RBPJ: variants seen among roughly 807,000 people sequenced by gnomAD.
RBPJ encodes recombination signal binding protein for immunoglobulin kappa J region.
Under a neutral mutation model 67.8 loss-of-function variants are expected in RBPJ, and 9 were observed. That is an observed-to-expected ratio of 0.13 (90% CI 0.08 to 0.23). The LOEUF (loss-of-function observed/expected upper bound fraction) is 0.23, where lower values mean the gene tolerates loss of function less well. Among genes scored for constraint, RBPJ ranks in the 10% least tolerant of loss-of-function variants. The probability of loss-of-function intolerance (pLI) is 1.00; values close to 1 mark genes in which losing one functional copy is unlikely to be tolerated. For missense variants in RBPJ, 305 were observed against 595.6 expected, an observed-to-expected ratio of 0.51 and a Z score of 5.08; for synonymous variants, 198 against 203.3, an observed-to-expected ratio of 0.97 and a Z score of 0.22.
intron 3 of RBPJ, among the ~76,000 whole-genome samples, chr4:26,415,108 A>G (rs1734431770): frequency 6.6e-6 from 1 of 152,304 alleles, no homozygotes; most frequent in East Asian, 1.9e-4. Flanking sequence ...TTAATTAGTA[A>G]TTACAGATTT....
intron 1 of RBPJ, among the ~76,000 whole-genome samples, chr4:26,363,359 C>T (rs963770948): frequency 3.9e-5 from 6 of 152,320 alleles, no homozygotes; most frequent in Admixed American, 3.3e-4. Context: ...AGGCCGGTCT[C>T]GAACTCCTGA....
chr4:26,431,695 A>G lies in RBPJ; in HGVS notation c.*688A>G, dbSNP rs1431496932. The G allele has an allele frequency of 6.6e-6, 1 of 151,882 alleles. No individual in the cohort carries two copies. Among genetic ancestry groups the G allele is most frequent in the Non-Finnish European group, 1.5e-5 (1 of 67,986 alleles). The allele number at this position is 151,882 out of a possible 1,614,324, so 9.4% of individuals were successfully genotyped here. Reference sequence around the variant, plus strand: ...CAAGTCAAATCTTGCAAAGGCCTGCATATTTTTTTTAAGATTATATGAAGT... The same window carrying G: ...CAAGTCAAATCTTGCAAAGGCCTGCGTATTTTTTTTAAGATTATATGAAGT... On this transcript the variant is annotated 3_prime_UTR_variant, in exon 11 of 11. Coordinates refer to ENST00000355476, the MANE Select transcript of RBPJ (RefSeq NM_015874.6).
intron 8 of RBPJ, among the ~76,000 whole-genome samples, 179 bp from the exon 9 acceptor site, chr4:26,429,719 A>G (rs976996203): frequency 6.6e-6 from 1 of 152,210 alleles, no homozygotes; most frequent in Non-Finnish European, 1.5e-5. Flanking sequence ...GGGTTTCTGT[A>G]TTAGCATTCT....
intron 2 of RBPJ, among the ~76,000 whole-genome samples, chr4:26,391,282 A>G (rs1482178496): frequency 3.3e-5 from 5 of 152,254 alleles, no homozygotes; most frequent in African/African-American, 1.2e-4. Flanking sequence ...TTGTATTGGC[A>G]TAAAGATAGC....
chr4:26,343,739 CTTTTTTTTTTT>C (rs71186404), intron 1 of RBPJ, among the ~76,000 whole-genome samples: 92 of 55,830 alleles, frequency 1.6e-3, no homozygotes, highest in African/African-American at 5.6e-3. Context: ...TTTCTTTCTT[CTTTTTTTTTTT>C]TTTTTTTTTT....
chr4:26,126,395 C>T, the RBPJ span, among the ~76,000 whole-genome samples: 1 of 152,218 alleles, frequency 6.6e-6, no homozygotes, highest in African/African-American at 2.4e-5. Flanking sequence ...AGGTGGGTAG[C>T]CTGTCTCCCA....
At chr4:26,338,922 G>C (rs1435078074) in intron 1 of RBPJ, among the ~76,000 whole-genome samples, 1 of 151,580 alleles carries the variant, frequency 6.6e-6, no homozygotes, top group East Asian at 1.9e-4. Context: ...CTCGATCTCA[G>C]CTCACTGCAG....
intron 1 of RBPJ, among the ~76,000 whole-genome samples, chr4:26,212,676 C>T (rs751101524): frequency 3.3e-5 from 5 of 152,056 alleles, no homozygotes; most frequent in Non-Finnish European, 5.9e-5. Context: ...AGAAGACCTT[C>T]ATTTCAGAAG....
At chr4:26,403,030 T>C (rs945058721) in intron 2 of RBPJ, among the ~76,000 whole-genome samples, 4 of 152,236 alleles carry the variant, frequency 2.6e-5, no homozygotes, top group African/African-American at 7.2e-5. Context: ...TTTTATAAGT[T>C]TGTCTTGTCT....
intron 2 of RBPJ, among the ~76,000 whole-genome samples, chr4:26,391,988 C>T (rs1731548380): frequency 6.6e-6 from 1 of 152,140 alleles, no homozygotes; most frequent in South Asian, 2.1e-4. Context: ...CTTTATGTGT[C>T]CTCACATGGC....
intron 2 of RBPJ, among the ~76,000 whole-genome samples, chr4:26,400,319 G>T (rs1392806377): frequency 6.6e-6 from 1 of 152,182 alleles, no homozygotes; most frequent in African/African-American, 2.4e-5. Context: ...TCAAGGAAGG[G>T]TGCTACTGGC....
chr4:26,413,691 T>TA (rs950316390), intron 3 of RBPJ, among the ~76,000 whole-genome samples: 19 of 152,186 alleles, frequency 1.2e-4, no homozygotes, highest in African/African-American at 3.6e-4. Flanking sequence ...CAGTAGATAA[T>TA]ATTGTAGAGG....
intron 3 of RBPJ, among the ~76,000 whole-genome samples, chr4:26,413,739 T>G (rs1054138213): frequency 2.0e-5 from 3 of 152,186 alleles, no homozygotes; most frequent in African/African-American, 7.2e-5. Context: ...TACTACCACC[T>G]TCAGGAAGAC....
chr4:26,347,002 T>A (rs926565966), intron 1 of RBPJ, among the ~76,000 whole-genome samples: 32 of 151,030 alleles, frequency 2.1e-4, no homozygotes, highest in South Asian at 4.2e-4. Context: ...AAAAAAAAAA[T>A]AAAAAATAAA....
At chr4:26,109,473 T>TACACAC in the RBPJ span, among the ~76,000 whole-genome samples, 4 of 43,954 alleles carry the variant, frequency 9.1e-5, no homozygotes, top group African/African-American at 5.3e-4. Context: ...TATATATATA[T>TACACAC]ATATATATAT....
chr4:26,113,592 G>A, the RBPJ span: 147 of 404,292 alleles, frequency 3.6e-4, 1 homozygote, highest in African/African-American at 2.7e-3. Flanking sequence ...AAAGCACATG[G>A]GAAATCCTTC....
intron 1 of RBPJ, among the ~76,000 whole-genome samples, chr4:26,213,986 T>G (rs1222759670): frequency 6.6e-6 from 1 of 152,034 alleles, no homozygotes; most frequent in East Asian, 1.9e-4. Context: ...ATGGAGTGGA[T>G]GGAGGTATCA....
chr4:26,291,828 G>T (rs1036764324), intron 1 of RBPJ, among the ~76,000 whole-genome samples: 1 of 150,638 alleles, frequency 6.6e-6, no homozygotes, highest in Non-Finnish European at 1.5e-5. Flanking sequence ...CACCTGCCTC[G>T]GCCTCCCAAA....
chr4:26,358,267 GTAGTAAGTACCATAA>G (rs1560291181), intron 1 of RBPJ, among the ~76,000 whole-genome samples: 2 of 152,006 alleles, frequency 1.3e-5, no homozygotes, highest in African/African-American at 4.8e-5. Context: ...TATCCTACTA[GTAGTAAGTACCATAA>G]TGGTCAAAGG....
Sources: allele counts gnomAD v4.1 joint callset (sites outside exome capture counted in the v4.1 genomes callset), GRCh38; gene constraint gnomAD v4.1.1; transcripts MANE v1.5; gene names NCBI Gene and HGNC (gene_info 2026-07-23, HGNC 2026-07-21).